Variants in HTR2C observed in about 807,000 individuals in gnomAD.
HTR2C encodes 5-hydroxytryptamine receptor 2C, also known as 5-hydroxytryptamine (serotonin) receptor 2C, G protein-coupled.
HTR2C carries 5 observed loss-of-function variants against 21.0 expected under a neutral mutation model. That is an observed-to-expected ratio of 0.24 (90% confidence interval 0.12 to 0.50). The LOEUF (loss-of-function observed/expected upper bound fraction) is 0.50, where lower values mean the gene tolerates loss of function less well. Ranked by LOEUF, HTR2C falls within the 20% of genes least tolerant of loss-of-function variation. HTR2C has a pLI of 0.98. For synonymous variants in HTR2C, 150 were observed against 145.3 expected, an observed-to-expected ratio of 1.03 and a Z score of -0.23; for missense variants, 271 against 371.2, an observed-to-expected ratio of 0.73 and a Z score of 2.22.
chrX:114,884,535 C>T (rs888404542), intron 5 of HTR2C, among the ~76,000 whole-genome samples: 2 of 110,288 alleles, frequency 1.8e-5, no homozygotes, highest in Non-Finnish European at 3.8e-5. Flanking sequence ...TACAAATGGC[C>T]GGCACATATA....
At chrX:114,818,715 T>G (rs782486412) in intron 4 of HTR2C, among the ~76,000 whole-genome samples, 3 of 111,699 alleles carry the variant, frequency 2.7e-5, no homozygotes, top group Admixed American at 1.9e-4. Flanking sequence ...CATACTAGAA[T>G]AAAACCACAT....
chrX:114,757,837 T>C (rs1478933423), intron 4 of HTR2C, among the ~76,000 whole-genome samples: 1 of 111,913 alleles, frequency 8.9e-6, no homozygotes, highest in Non-Finnish European at 1.9e-5. Flanking sequence ...TTAATGCATA[T>C]TAGGAAACCA....
chrX:114,692,617 G>T (rs781933036), intron 2 of HTR2C, among the ~76,000 whole-genome samples: 1 of 109,747 alleles, frequency 9.1e-6, no homozygotes, highest in Admixed American at 9.8e-5. Context: ...TACTGTATGG[G>T]GTGATTTGAA....
intron 2 of HTR2C, among the ~76,000 whole-genome samples, chrX:114,726,095 C>G (rs1196587952): frequency 8.9e-6 from 1 of 112,216 alleles, no homozygotes; most frequent in East Asian, 2.8e-4. Flanking sequence ...TGGGCAATGG[C>G]GGGCGCCCCT....
chrX:114,598,940 A>C (rs782615381), intron 1 of HTR2C, among the ~76,000 whole-genome samples: 1 of 56,502 alleles, frequency 1.8e-5, no homozygotes, highest in South Asian at 1.4e-3. Flanking sequence ...TCATACAGCT[A>C]ATTATTGGCA....
At chrX:114,708,941 CA>C (rs1932850752) in intron 2 of HTR2C, among the ~76,000 whole-genome samples, 1 of 111,684 alleles carries the variant, frequency 9.0e-6, no homozygotes, top group African/African-American at 3.3e-5. Flanking sequence ...ATTATTGCTT[CA>C]AAAAAGTCAT....
intron 5 of HTR2C, among the ~76,000 whole-genome samples, chrX:114,862,345 C>T (rs1390155841): frequency 1.8e-5 from 2 of 110,363 alleles, no homozygotes; most frequent in African/African-American, 6.6e-5. Flanking sequence ...GTCTGTGTGT[C>T]TGTATTTCTG....
intron 2 of HTR2C, among the ~76,000 whole-genome samples, chrX:114,638,899 C>T (rs1439819067): frequency 1.8e-5 from 2 of 108,919 alleles, no homozygotes; most frequent in Non-Finnish European, 3.8e-5. Flanking sequence ...TGTATATGTG[C>T]CACATTTTCT....
intron 4 of HTR2C, among the ~76,000 whole-genome samples, chrX:114,736,217 C>T (rs2069589421): frequency 9.0e-6 from 1 of 110,849 alleles, no homozygotes; most frequent in South Asian, 3.8e-4. Flanking sequence ...ATCATAAACT[C>T]GAATGAAGAA....
At chrX:114,620,735 T>A (rs1331820993) in intron 2 of HTR2C, among the ~76,000 whole-genome samples, 1 of 112,183 alleles carries the variant, frequency 8.9e-6, no homozygotes, top group Non-Finnish European at 1.9e-5. Flanking sequence ...TTGCATTAAA[T>A]TCCATATATC....
intron 4 of HTR2C, among the ~76,000 whole-genome samples, chrX:114,761,284 A>G (rs2069863515): frequency 9.0e-6 from 1 of 111,518 alleles, no homozygotes; most frequent in Non-Finnish European, 1.9e-5. Flanking sequence ...AAACCTGTGG[A>G]TCAGAAATAA....
intron 4 of HTR2C, among the ~76,000 whole-genome samples, chrX:114,803,736 A>G (rs1406217631): frequency 1.9e-5 from 2 of 107,728 alleles, no homozygotes; most frequent in African/African-American, 6.7e-5. Flanking sequence ...CTTCAGTTTA[A>G]TTAGATCCCA....
chrX:114,841,337 A>G (rs2070831837), intron 4 of HTR2C, among the ~76,000 whole-genome samples: 1 of 112,221 alleles, frequency 8.9e-6, no homozygotes, highest in Non-Finnish European at 1.9e-5. Flanking sequence ...CTAGATGCCA[A>G]TGTCATTACA....
chrX:114,840,045 C>A (rs1556465071), intron 4 of HTR2C, among the ~76,000 whole-genome samples: 1 of 110,220 alleles, frequency 9.1e-6, no homozygotes, highest in East Asian at 2.9e-4. Flanking sequence ...GCAAAAGAAC[C>A]AAATCCAGCA....
intron 4 of HTR2C, among the ~76,000 whole-genome samples, chrX:114,764,474 T>C (rs1556433735): frequency 9.1e-6 from 1 of 109,695 alleles, no homozygotes; most frequent in African/African-American, 3.3e-5. Flanking sequence ...CCCCAATAAA[T>C]GCACAAAATA....
At chrX:114,704,578 A>G (rs189605550) in intron 2 of HTR2C, among the ~76,000 whole-genome samples, 1,685 of 111,806 alleles carry the variant, frequency 0.015, 31 homozygotes, top group Admixed American at 0.087. Flanking sequence ...AGAGCTATCT[A>G]TGACAAACCC....
rs1021940407 is a variant in HTR2C at position 114,865,798 on chromosome X, C to A, written c.550+17595C>A. On this transcript the variant is annotated intron_variant, in intron 5 of 5. Transcript: ENST00000276198. The stretch of plus-strand genomic sequence containing the variant: ...AAAATTTTATTTGATGTGTTTATTT[C>A]TTATTTTTTATTGTATTTATTTATT... Among the ~76,000 whole-genome samples the A allele has an allele frequency of 2.1e-4, 23 of 110,391 alleles. No homozygotes were observed. The Admixed American group carries it at 2.1e-3, about 10-fold the overall frequency.
intron 5 of HTR2C, among the ~76,000 whole-genome samples, chrX:114,867,839 C>T (rs1417247396): frequency 9.1e-6 from 1 of 110,386 alleles, no homozygotes; most frequent in Non-Finnish European, 1.9e-5. Flanking sequence ...CGTTTCTGGT[C>T]TCTGTATTCT....
At chrX:114,712,302 A>G (rs150323731) in intron 2 of HTR2C, among the ~76,000 whole-genome samples, 2 of 111,820 alleles carry the variant, frequency 1.8e-5, no homozygotes, top group African/African-American at 6.5e-5. Context: ...AAGGTGTCAC[A>G]CCATACCTCA....
Sources: gnomAD v4.1 joint callset for allele counts (sites outside exome capture counted in the v4.1 genomes callset) on GRCh38, gnomAD v4.1.1 for gene constraint, MANE v1.5 for transcripts, NCBI Gene and HGNC (gene_info 2026-07-23, HGNC 2026-07-21) for gene names.